Variants in MSI2 observed in about 807,000 individuals in gnomAD.
MSI2 encodes RNA-binding protein Musashi homolog 2.
In MSI2, 17 loss-of-function variants were observed where a neutral mutation model predicts 45.6. The observed-to-expected ratio is 0.37, with a 90% CI of 0.26 to 0.56. The LOEUF (loss-of-function observed/expected upper bound fraction) is 0.56, where lower values mean the gene tolerates loss of function less well. Among genes scored for constraint, MSI2 ranks in the 20% least tolerant of loss-of-function variants. MSI2 has a pLI of 0.77. For missense variants in MSI2, 293 were observed against 444.2 expected, an observed-to-expected ratio of 0.66 and a Z score of 3.06; for synonymous variants, 156 against 158.2, an observed-to-expected ratio of 0.99 and a Z score of 0.11.
At chr17:57,465,623 T>C (rs1331710783) in intron 6 of MSI2, among the ~76,000 whole-genome samples, 1 of 152,128 alleles carries the variant, frequency 6.6e-6, no homozygotes, top group Admixed American at 6.5e-5. Flanking sequence ...ATTCAGGCCT[T>C]ACCCAAAGCC....
rs918220546 is a variant in MSI2 at position 57,576,642 on chromosome 17, T to A, written c.455-20226T>A. On this transcript the variant is annotated intron_variant, in intron 7 of 13. Coordinates refer to ENST00000284073, the MANE Select transcript of MSI2 (RefSeq NM_138962.4). ...GGTGGTGCATGCCTGTAATCCCAGC[T>A]ACTTGGGAGTCTGAGGCACAAGAAT... 2.6e-5 allele frequency among the ~76,000 whole-genome samples: 4 copies of A among 151,798 alleles called. No homozygotes were observed. The East Asian group carries it at 7.7e-4, about 29-fold the overall frequency.
intron 6 of MSI2, among the ~76,000 whole-genome samples, chr17:57,445,742 T>G (rs1291405697): frequency 6.6e-6 from 1 of 152,152 alleles, no homozygotes; most frequent in Non-Finnish European, 1.5e-5. Flanking sequence ...TTTTGTGAAT[T>G]CATACCGAGT....
chr17:57,304,714 G>A (rs1317571949), intron 5 of MSI2, among the ~76,000 whole-genome samples: 3 of 152,094 alleles, frequency 2.0e-5, no homozygotes, highest in Admixed American at 2.0e-4. Context: ...GTGAGCCATC[G>A]CACCCAGCCA....
intron 10 of MSI2, chr17:57,632,523 C>G (rs945781647): frequency 2.8e-6 from 3 of 1,066,896 alleles, no homozygotes; most frequent in Admixed American, 1.1e-4. Context: ...TTCCCCAGCT[C>G]GCCTCCCTGC....
In MSI2 at chr17:57,602,483, G is replaced by C. The variant is rs551890465; in HGVS notation, c.537+5533G>C. Among the ~76,000 whole-genome samples the C allele has an allele frequency of 2.0e-5, 3 of 152,304 alleles. No individual in the cohort carries two copies. The South Asian group carries it at 6.2e-4, about 32-fold the overall frequency. On this transcript the variant is annotated intron_variant, in intron 8 of 13. Transcript: ENST00000284073. ...TTCTCGTGCCTCGGCCTCCCGAGTAGCTGGGATTATAGGCATGCGCCACCA... is the reference window on the plus strand; with the variant it reads ...TTCTCGTGCCTCGGCCTCCCGAGTACCTGGGATTATAGGCATGCGCCACCA...
chr17:57,619,895 T>A (rs1908128311), intron 9 of MSI2, among the ~76,000 whole-genome samples: 1 of 152,224 alleles, frequency 6.6e-6, no homozygotes, highest in Admixed American at 6.5e-5. Flanking sequence ...AAAGATATTG[T>A]TGCAGTTCAG....
At chr17:57,382,914 C>T (rs1007470064) in intron 5 of MSI2, among the ~76,000 whole-genome samples, 1 of 152,186 alleles carries the variant, frequency 6.6e-6, no homozygotes, top group South Asian at 2.1e-4. Flanking sequence ...TTTGTGCAGA[C>T]TGAGTACTCT....
intron 10 of MSI2, among the ~76,000 whole-genome samples, chr17:57,634,620 A>C (rs543290055): frequency 6.6e-6 from 1 of 152,372 alleles, no homozygotes; most frequent in South Asian, 2.1e-4. Context: ...AGTATATCCC[A>C]GACAGAGAAA....
At chr17:57,570,386 C>G (rs949278370) in intron 7 of MSI2, among the ~76,000 whole-genome samples, 1 of 152,178 alleles carries the variant, frequency 6.6e-6, no homozygotes, top group Non-Finnish European at 1.5e-5. Context: ...TCCACACTTT[C>G]ACCAGTGGTT....
At chr17:57,411,405 A>G (rs969507226) in intron 6 of MSI2, among the ~76,000 whole-genome samples, 7 of 152,304 alleles carry the variant, frequency 4.6e-5, no homozygotes, top group African/African-American at 1.7e-4. Context: ...CTTTCCATTC[A>G]ACTAAGTTGG....
At chr17:57,451,653 T>G (rs1359434508) in intron 6 of MSI2, among the ~76,000 whole-genome samples, 2 of 152,194 alleles carry the variant, frequency 1.3e-5, no homozygotes, top group Non-Finnish European at 2.9e-5. Context: ...TGAGGCCAGC[T>G]GAGAAAATTG....
intron 5 of MSI2, among the ~76,000 whole-genome samples, chr17:57,383,384 C>T (rs903838317): frequency 4.6e-5 from 7 of 152,290 alleles, no homozygotes; most frequent in East Asian, 1.9e-4. Context: ...AGGCTGGGTG[C>T]GGTGGCTCAT....
chr17:57,526,850 G>A (rs2086712826), intron 6 of MSI2, among the ~76,000 whole-genome samples: 1 of 152,046 alleles, frequency 6.6e-6, no homozygotes, highest in Non-Finnish European at 1.5e-5. Flanking sequence ...CTATTCAGGA[G>A]GTCTTTGCGA....
At chr17:57,519,357 T>G (rs1598357666) in intron 6 of MSI2, among the ~76,000 whole-genome samples, 1 of 152,278 alleles carries the variant, frequency 6.6e-6, no homozygotes, top group East Asian at 1.9e-4. Flanking sequence ...AGGCGCTCAC[T>G]GGCTACCACA....
intron 5 of MSI2, among the ~76,000 whole-genome samples, chr17:57,297,274 A>G (rs1038722236): frequency 3.3e-5 from 5 of 151,418 alleles, no homozygotes. Flanking sequence ...TTGCAGATTC[A>G]GTTCCAGACC....
In MSI2 at chr17:57,652,965, G is replaced by A. The variant is rs889338054; in HGVS notation, c.790+804G>A. Among the ~76,000 whole-genome samples the A allele has an allele frequency of 3.3e-5, 5 of 152,138 alleles. No individual in the cohort carries two copies. The highest frequency in any genetic ancestry group is 1.2e-4 in the African/African-American group (5 of 41,432). ...AAGCAGGGCTTCTGCTGTGCCCTGG[G>A]CTCCCTCCCCACCCCTGCTCCCTGA... On this transcript the variant is annotated intron_variant, in intron 11 of 13. Coordinates refer to ENST00000284073, the MANE Select transcript of MSI2 (RefSeq NM_138962.4). The surrounding 1 kb of genome is among the most constrained non-coding windows in gnomAD (Gnocchi z 4.1).
At chr17:57,438,475 A>G (rs1413538383) in intron 6 of MSI2, among the ~76,000 whole-genome samples, 1 of 152,076 alleles carries the variant, frequency 6.6e-6, no homozygotes, top group Admixed American at 6.5e-5. Context: ...GCTTCTGTTC[A>G]TGAGATGGAG....
chr17:57,294,293 T>G (rs1209848000), intron 5 of MSI2, among the ~76,000 whole-genome samples: 1 of 152,172 alleles, frequency 6.6e-6, no homozygotes, highest in Non-Finnish European at 1.5e-5. Context: ...GCACTTCATC[T>G]GGGTGCTGTT....
chr17:57,520,628 AT>A (rs1213496356), intron 6 of MSI2, among the ~76,000 whole-genome samples: 1 of 152,140 alleles, frequency 6.6e-6, no homozygotes, highest in Non-Finnish European at 1.5e-5. Flanking sequence ...TTTTGCCACA[AT>A]TAAGAACAAT....
Sources: gnomAD v4.1 joint callset for allele counts (sites outside exome capture counted in the v4.1 genomes callset) on GRCh38, gnomAD v4.1.1 for gene constraint, Gnocchi (gnomAD v3.1) non-coding constraint, MANE v1.5 for transcripts, NCBI Gene and HGNC (gene_info 2026-07-23, HGNC 2026-07-21) for gene names.